The following NINL variants were observed in gnomAD, a reference collection of about 807,000 sequenced individuals.
NINL encodes the protein ninein-like protein.
A neutral mutation model predicts 160.3 loss-of-function variants in NINL; 153 were observed. That is an observed-to-expected ratio of 0.95 (90% CI 0.84 to 1.09). The LOEUF is 1.09. Among genes scored for constraint, NINL ranks in the 50% least tolerant of loss-of-function variants. The pLI is 0.00. For missense variants in NINL, 1,829 were observed against 1,764.0 expected, an observed-to-expected ratio of 1.04 and a Z score of -0.66; for synonymous variants, 800 against 734.8, an observed-to-expected ratio of 1.09 and a Z score of -1.43.
In NINL at chr20:25,474,684, G is replaced by C. The variant is rs186136786; in HGVS notation, c.3248+1359C>G. On this transcript the variant is annotated intron_variant, in intron 17 of 23. Transcript: ENST00000278886. ...GGAGTGCAGTGAGTGGTGTGATCTC[G>C]GCTCACTGAAACCTCTGCCTCTCAG... 1.9e-3 allele frequency among the ~76,000 whole-genome samples: 282 copies of C among 151,064 alleles called. 1 individual carries two copies. Among genetic ancestry groups the C allele is most frequent in the African/African-American group, 6.7e-3 (277 of 41,080 alleles).
chr20:25,538,667 C>T (rs921147976), intron 1 of NINL, among the ~76,000 whole-genome samples: 1 of 151,686 alleles, frequency 6.6e-6, no homozygotes, highest in African/African-American at 2.4e-5. Context: ...AAAGGGCTGG[C>T]GAGCACAGAA....
intron 1 of NINL, among the ~76,000 whole-genome samples, chr20:25,581,382 C>A (rs1568978197): frequency 6.6e-6 from 1 of 151,524 alleles, no homozygotes; most frequent in Non-Finnish European, 1.5e-5. Context: ...GCAGAGATTG[C>A]AGTGAGCCAA....
intron 16 of NINL, 34 bp from the exon 17 acceptor site, chr20:25,477,123 T>G: frequency 6.5e-7 from 1 of 1,529,346 alleles, no homozygotes; most frequent in Non-Finnish European, 8.7e-7. Flanking sequence ...ACCACAGCCC[T>G]GCCGCCCCCA....
At chr20:25,529,000 GT>G (rs1485300508) in intron 1 of NINL, among the ~76,000 whole-genome samples, 2 of 152,224 alleles carry the variant, frequency 1.3e-5, no homozygotes, top group African/African-American at 4.8e-5. Context: ...GGGTACGGAA[GT>G]TGGAGTCAGA....
chr20:25,512,523 CCCTTTG>C (rs2064088636), intron 4 of NINL, among the ~76,000 whole-genome samples: 1 of 152,186 alleles, frequency 6.6e-6, no homozygotes. Flanking sequence ...TGCCTGCTTC[CCCTTTG>C]CCTTCCGCCA....
In NINL at chr20:25,496,777, T is replaced by A; in HGVS notation, c.1196A>T (p.Glu399Val). The change falls in exon 10 of 24, where the codon GAG (glutamate) becomes GTG (valine). Residue 399 changes from glutamate (E) to valine (V), a missense_variant. Glu to Val is a moderately radical substitution (Grantham distance 121). Coordinates refer to ENST00000278886, the MANE Select transcript of NINL (RefSeq NM_025176.6). ...QQGQVEQLAR[E>V]RDKARQDLER... Reference sequence around the variant, plus strand: ...CAGGTCCTGCCTTGCCTTGTCACGCTCCCTTGCCAGCTGCTCCACCTGCCC... The same window carrying A: ...CAGGTCCTGCCTTGCCTTGTCACGCACCCTTGCCAGCTGCTCCACCTGCCC... 6.2e-7 allele frequency: 1 copy of A among 1,613,886 alleles called. No homozygotes were observed. The highest frequency in any genetic ancestry group is 2.2e-5 in the East Asian group (1 of 44,850).
intron 4 of NINL, among the ~76,000 whole-genome samples, chr20:25,512,209 T>A (rs945019952): frequency 6.6e-6 from 1 of 152,168 alleles, no homozygotes; most frequent in African/African-American, 2.4e-5. Flanking sequence ...ACAGGCCAGT[T>A]GTAAGTGCTG....
chr20:25,544,140 C>T (rs2064705328), intron 1 of NINL, among the ~76,000 whole-genome samples: 1 of 142,284 alleles, frequency 7.0e-6, no homozygotes, highest in Non-Finnish European at 1.5e-5. Flanking sequence ...CCCACACTCA[C>T]CTAGCCTCAC....
intron 1 of NINL, among the ~76,000 whole-genome samples, chr20:25,532,670 A>G (rs574132106): frequency 1.3e-5 from 2 of 152,322 alleles, no homozygotes; most frequent in East Asian, 1.9e-4. Context: ...TGCTTCACCT[A>G]TTGGTGAGTC....
rs765901549 is a variant in NINL at position 25,476,566 on chromosome 20, T to G, written c.2725A>C (p.Met909Leu). ...SHGPSERWSR[M>L]QPCGVDGDIV... ...TCCCCATCCACTCCACAGGGCTGCATGCGTGACCACCTCTCTGAGGGGCCG... is the reference window on the plus strand; with the variant it reads ...TCCCCATCCACTCCACAGGGCTGCAGGCGTGACCACCTCTCTGAGGGGCCG... Residue 909 changes from methionine (M) to leucine (L), a missense_variant, in exon 17 of 24, where the codon ATG becomes CTG. By Grantham distance (15) the Met-to-Leu change is conservative. Transcript: ENST00000278886. 4 of 1,599,176 alleles carry G rather than the reference T, an allele frequency of 2.5e-6. No individual in the cohort carries two copies. In the African/African-American group the frequency reaches 5.3e-5, roughly 21 times the overall value.
At chr20:25,454,034 C>A (rs374386943) in intron 23 of NINL, among the ~76,000 whole-genome samples, 7 of 151,730 alleles carry the variant, frequency 4.6e-5, no homozygotes, top group African/African-American at 1.7e-4. Context: ...CCAGCCTAGG[C>A]GACAGAGCAA....
At chr20:25,528,983 C>A (rs2064404223) in intron 1 of NINL, among the ~76,000 whole-genome samples, 1 of 152,166 alleles carries the variant, frequency 6.6e-6, no homozygotes, top group South Asian at 2.1e-4. Flanking sequence ...TTGCCATCAT[C>A]CACACAGGGT....
In NINL at chr20:25,526,680, AG is replaced by A. The variant is rs2064367908; in HGVS notation, c.-11-83del. 2.8e-6 allele frequency: 4 copies of A among 1,419,048 alleles called. No individual in the cohort carries two copies. The African/African-American group carries it at 4.2e-5, about 15-fold the overall frequency. The allele number at this position is 1,419,048 out of a possible 1,614,324, so 87.9% of individuals were successfully genotyped here. A position where few individuals can be genotyped will look rare whatever the true frequency, so the allele number is the denominator to read the frequency against. On this transcript the variant is annotated intron_variant, in intron 1 of 23. Transcript: ENST00000278886. ...ATTCCCACACTGCCGGTGAGCACCGAGCTACATGGTCCAAGCAGACGCAGGA... is the reference window on the plus strand; with the variant it reads ...ATTCCCACACTGCCGGTGAGCACCGACTACATGGTCCAAGCAGACGCAGGA...
intron 8 of NINL, among the ~76,000 whole-genome samples, chr20:25,499,794 A>C (rs1035765383): frequency 2.0e-5 from 3 of 151,940 alleles, no homozygotes; most frequent in Admixed American, 1.3e-4. Flanking sequence ...AGCCTCCAAG[A>C]GTTACAGGGT....
At chr20:25,574,341 G>A (rs1481711053) in intron 1 of NINL, among the ~76,000 whole-genome samples, 3 of 151,482 alleles carry the variant, frequency 2.0e-5, no homozygotes, top group Admixed American at 2.0e-4. Context: ...CAAGGGCCTT[G>A]TGCCCACCAC....
chr20:25,562,436 T>C, intron 1 of NINL, among the ~76,000 whole-genome samples: 6 of 122,030 alleles, frequency 4.9e-5, no homozygotes, highest in African/African-American at 1.9e-4. Flanking sequence ...GACTTTTCAT[T>C]TTGTTCTGTA....
intron 1 of NINL, among the ~76,000 whole-genome samples, chr20:25,544,638 AC>A (rs1350712132): frequency 6.6e-6 from 1 of 152,234 alleles, no homozygotes; most frequent in Non-Finnish European, 1.5e-5. Flanking sequence ...TCTGAGTCCC[AC>A]AACACTGGAG....
intron 1 of NINL, among the ~76,000 whole-genome samples, chr20:25,569,227 CAA>C (rs772304012): frequency 1.8e-4 from 10 of 57,098 alleles, no homozygotes; most frequent in East Asian, 5.2e-4. Flanking sequence ...GACTCTGTCT[CAA>C]AAAAAAAAAA....
In NINL at chr20:25,453,651, G is replaced by C; in HGVS notation, c.3958-9C>G. 1 of 1,592,254 alleles carries C rather than the reference G, an allele frequency of 6.3e-7. No individual in the cohort carries two copies. The highest frequency in any genetic ancestry group is 8.6e-7 in the Non-Finnish European group (1 of 1,168,476). On this transcript the variant is annotated splice_polypyrimidine_tract_variant and intron_variant, in intron 23 of 23. Transcript: ENST00000278886. ...TTCGTGTTCTTTTCAAACTAGAGAG[G>C]GGAGGAAGCCATGCTTTGCATGAGG...
Sources: allele counts gnomAD v4.1 joint callset (sites outside exome capture counted in the v4.1 genomes callset), GRCh38; gene constraint gnomAD v4.1.1; transcripts MANE v1.5; gene names NCBI Gene and HGNC (gene_info 2026-07-23, HGNC 2026-07-21).